KLHL29: variants seen among roughly 807,000 people sequenced by gnomAD.
The protein encoded by KLHL29 is kelch like family member 29, also known as kelch-like protein 29.
KLHL29 carries 21 observed loss-of-function variants against 80.4 expected under a neutral mutation model. The observed-to-expected ratio is 0.26, with a 90% CI of 0.19 to 0.38. The LOEUF is 0.38. Ranked by LOEUF, KLHL29 falls within the 10% of genes least tolerant of loss-of-function variation. The pLI is 1.00. For missense variants in KLHL29, 867 were observed against 1,223.9 expected (o/e 0.71, Z 4.35); for synonymous variants, 511 against 526.8 (o/e 0.97, Z 0.41).
At chr2:23,466,611 T>G (rs994491254) in intron 1 of KLHL29, among the ~76,000 whole-genome samples, 7 of 152,360 alleles carry the variant, frequency 4.6e-5, no homozygotes, top group Non-Finnish European at 7.4e-5. Context: ...GAAATTTGTA[T>G]GTGCAGTTAC....
chr2:23,642,249 C>A, intron 4 of KLHL29, 89 bp from the exon 5 acceptor site: 1 of 1,244,022 alleles, frequency 8.0e-7, no homozygotes, highest in Non-Finnish European at 1.1e-6. Flanking sequence ...CCCTCTGTGA[C>A]CTAGCACCCA....
At chr2:23,548,954 T>C (rs992596460) in intron 2 of KLHL29, among the ~76,000 whole-genome samples, 1 of 152,140 alleles carries the variant, frequency 6.6e-6, no homozygotes, top group African/African-American at 2.4e-5. Context: ...GTTACCACCA[T>C]TGTCGAAGGG....
intron 1 of KLHL29, among the ~76,000 whole-genome samples, chr2:23,403,726 A>AGTGTGTGT (rs36116395): frequency 3.1e-4 from 45 of 144,114 alleles, no homozygotes; most frequent in African/African-American, 8.2e-4. Context: ...AGAGAGAGAG[A>AGTGTGTGT]GTGTGTGTGT....
chr2:23,462,119 A>G (rs1453950355), intron 1 of KLHL29, among the ~76,000 whole-genome samples: 1 of 151,864 alleles, frequency 6.6e-6, no homozygotes, highest in African/African-American at 2.4e-5. Flanking sequence ...GACAGGTGGG[A>G]CTCAAGGATG....
At chr2:23,519,601 G>C (rs1014967626) in intron 2 of KLHL29, among the ~76,000 whole-genome samples, 2 of 152,140 alleles carry the variant, frequency 1.3e-5, no homozygotes, top group African/African-American at 4.8e-5. Context: ...GACAGGTCTC[G>C]GTGAATTTAG....
chr2:23,704,902 ATTGT>A (rs1672623535), intron 13 of KLHL29, among the ~76,000 whole-genome samples: 1 of 152,226 alleles, frequency 6.6e-6, no homozygotes. Context: ...TAGAGTGCCC[ATTGT>A]TTGTGTAGCA....
chr2:23,447,541 G>C (rs1279900808), intron 1 of KLHL29, among the ~76,000 whole-genome samples: 1 of 152,168 alleles, frequency 6.6e-6, no homozygotes, highest in Non-Finnish European at 1.5e-5. Context: ...AAAAATTCCT[G>C]CATCACAAAT....
chr2:23,407,203 A>C (rs142269064), intron 1 of KLHL29, among the ~76,000 whole-genome samples: 9 of 152,230 alleles, frequency 5.9e-5, no homozygotes, highest in Non-Finnish European at 1.3e-4. Context: ...ACTGATGAAC[A>C]AATCTGTGGA....
At chr2:23,439,269 G>A (rs943246643) in intron 1 of KLHL29, among the ~76,000 whole-genome samples, 8 of 151,794 alleles carry the variant, frequency 5.3e-5, no homozygotes, top group Non-Finnish European at 8.8e-5. Context: ...CAGCTCCTGG[G>A]TTCATTAATT....
chr2:23,603,415 C>A (rs1460052854), intron 3 of KLHL29, among the ~76,000 whole-genome samples: 3 of 152,136 alleles, frequency 2.0e-5, no homozygotes, highest in Non-Finnish European at 4.4e-5. Context: ...CCTCTGAGTT[C>A]TTGGGGGACC....
chr2:23,409,579 G>T (rs190098733), intron 1 of KLHL29, among the ~76,000 whole-genome samples: 1 of 152,292 alleles, frequency 6.6e-6, no homozygotes, highest in Admixed American at 6.5e-5. Flanking sequence ...CCTCTGTGTT[G>T]TAACTATCTC....
chr2:23,434,453 C>T (rs1172304109), intron 1 of KLHL29, among the ~76,000 whole-genome samples: 1 of 152,094 alleles, frequency 6.6e-6, no homozygotes, highest in African/African-American at 2.4e-5. Flanking sequence ...TGTGCAAACC[C>T]TCCCCTCAGG....
chr2:23,469,152 C>A (rs970483573), intron 1 of KLHL29, among the ~76,000 whole-genome samples: 1 of 152,188 alleles, frequency 6.6e-6, no homozygotes, highest in African/African-American at 2.4e-5. Flanking sequence ...AAAGCTGTGT[C>A]CACACTGGAG....
intron 1 of KLHL29, among the ~76,000 whole-genome samples, chr2:23,429,254 GC>G (rs1663098901): frequency 6.6e-6 from 1 of 152,204 alleles, no homozygotes; most frequent in Non-Finnish European, 1.5e-5. Flanking sequence ...TTGCTTTTGT[GC>G]AGCCCAGGGA....
At chr2:23,692,936 G>A (rs533210660) in intron 7 of KLHL29, among the ~76,000 whole-genome samples, 2 of 152,256 alleles carry the variant, frequency 1.3e-5, no homozygotes, top group East Asian at 1.9e-4. Flanking sequence ...CAACCTCAGC[G>A]ACAGTGTGAC....
intron 3 of KLHL29, among the ~76,000 whole-genome samples, chr2:23,602,592 C>T (rs1572430615): frequency 6.6e-6 from 1 of 151,178 alleles, no homozygotes; most frequent in East Asian, 2.0e-4. Flanking sequence ...AGGGACAGCT[C>T]CAGGCAGCTG....
At chr2:23,533,093 C>A (rs1035912371) in intron 2 of KLHL29, among the ~76,000 whole-genome samples, 1 of 152,110 alleles carries the variant, frequency 6.6e-6, no homozygotes, top group Non-Finnish European at 1.5e-5. Flanking sequence ...TGTGTGAGAG[C>A]GTCTCTCAGT....
At chr2:23,585,873 C>T (rs1239256596) in intron 3 of KLHL29, among the ~76,000 whole-genome samples, 2 of 152,212 alleles carry the variant, frequency 1.3e-5, no homozygotes, top group African/African-American at 4.8e-5. Context: ...TTTATTTGCT[C>T]TACCACCGGG....
chr2:23,694,789 C>A (rs1159219358), intron 8 of KLHL29, among the ~76,000 whole-genome samples: 2 of 152,170 alleles, frequency 1.3e-5, no homozygotes, highest in Non-Finnish European at 2.9e-5. Context: ...TTTTGTATAC[C>A]CCATCCAGAT....
Sources: allele counts gnomAD v4.1 joint callset (sites outside exome capture counted in the v4.1 genomes callset), GRCh38; gene constraint gnomAD v4.1.1; transcripts MANE v1.5; gene names NCBI Gene and HGNC (gene_info 2026-07-23, HGNC 2026-07-21).